The following PUM1 variants were observed in gnomAD, a reference collection of about 807,000 sequenced individuals.
PUM1 encodes pumilio homolog 1.
A neutral mutation model predicts 131.8 loss-of-function variants in PUM1; 13 were observed. The ratio of observed to expected loss-of-function variants is 0.10; its 90% CI spans 0.06 to 0.16. PUM1 has a LOEUF of 0.16. Ranked by LOEUF, PUM1 falls within the 10% of genes least tolerant of loss-of-function variation. The probability of loss-of-function intolerance (pLI) is 1.00; values close to 1 mark genes in which losing one functional copy is unlikely to be tolerated. For missense variants in PUM1, 961 were observed against 1,512.4 expected (o/e 0.64, Z 6.05); for synonymous variants, 509 against 556.5 (o/e 0.91, Z 1.20).
intron 2 of PUM1, among the ~76,000 whole-genome samples, chr1:31,037,497 T>C (rs1205329523): frequency 2.0e-5 from 3 of 152,184 alleles, no homozygotes; most frequent in African/African-American, 4.8e-5. Flanking sequence ...GGCGGGCGGA[T>C]CACTTGAGGT....
chr1:31,046,550 C>G (rs1180685631), intron 2 of PUM1, among the ~76,000 whole-genome samples: 1 of 138,988 alleles, frequency 7.2e-6, no homozygotes, highest in South Asian at 2.4e-4. Flanking sequence ...CTCTGTCACT[C>G]AGGCTGGAGT....
intron 2 of PUM1, among the ~76,000 whole-genome samples, chr1:31,042,684 T>G (rs936005848): frequency 1.3e-5 from 2 of 152,238 alleles, no homozygotes; most frequent in Non-Finnish European, 2.9e-5. Flanking sequence ...AATCTCTCCA[T>G]GCATACAAAT....
chr1:31,002,613 A>G (rs1344123649), intron 5 of PUM1, among the ~76,000 whole-genome samples: 1 of 152,094 alleles, frequency 6.6e-6, no homozygotes, highest in East Asian at 1.9e-4. Context: ...ACCCTGAACC[A>G]TGGGGGGCTG....
chr1:31,041,117 C>T (rs1477502800), intron 2 of PUM1, among the ~76,000 whole-genome samples: 1 of 152,050 alleles, frequency 6.6e-6, no homozygotes, highest in East Asian at 1.9e-4. Context: ...CCTAACATGC[C>T]ACAAATGGAT....
At chr1:31,008,972 G>C (rs1021678176) in intron 3 of PUM1, among the ~76,000 whole-genome samples, 9 of 148,198 alleles carry the variant, frequency 6.1e-5, no homozygotes, top group Non-Finnish European at 1.3e-4. Flanking sequence ...AGGAGATCAA[G>C]ACCATCCTGG....
chr1:30,980,153 G>C lies in PUM1; in HGVS notation c.1263C>G (p.Pro421=). Residue 421 remains proline (P), a synonymous_variant, in exon 9 of 22, where the codon CCC becomes CCG. Coordinates refer to ENST00000426105, the MANE Select transcript of PUM1 (RefSeq NM_001020658.2). ...AAHQPHIGLA[P]AAFVPNPYII... ...TGTATGGATTGGGGACAAACGCAGC[G>C]GGAGCTAAACCTGCTGAAAACATAC... 1 of 1,613,762 alleles carries C rather than the reference G, an allele frequency of 6.2e-7. No individual in the cohort carries two copies. Among genetic ancestry groups the C allele is most frequent in the Non-Finnish European group, 8.5e-7 (1 of 1,179,876 alleles).
At chr1:31,049,515 CAA>C (rs112696868) in intron 2 of PUM1, among the ~76,000 whole-genome samples, 7 of 121,922 alleles carry the variant, frequency 5.7e-5, no homozygotes, top group African/African-American at 6.2e-5. Flanking sequence ...GATTCCGTCT[CAA>C]AAAAAAAAAA....
At chr1:30,943,173 C>T (rs1476657231) in intron 18 of PUM1, among the ~76,000 whole-genome samples, 1 of 152,140 alleles carries the variant, frequency 6.6e-6, no homozygotes, top group East Asian at 1.9e-4. Flanking sequence ...TCTGGAGCAA[C>T]TTGATTTATT....
chr1:31,060,900 A>T (rs12065222), intron 1 of PUM1, among the ~76,000 whole-genome samples: 13,474 of 151,320 alleles, frequency 0.089, 990 homozygotes, highest in East Asian at 0.3. Flanking sequence ...AAAAAAAAAA[A>T]AATAATAAAT....
chr1:31,019,114 A>G (rs1485740178), intron 3 of PUM1, among the ~76,000 whole-genome samples: 1 of 152,152 alleles, frequency 6.6e-6, no homozygotes, highest in African/African-American at 2.4e-5. Flanking sequence ...GCTCTTTGGG[A>G]GGCTGAGGCG....
chr1:30,953,902 G>C lies in PUM1; in HGVS notation c.2403C>G (p.Ala801=), dbSNP rs1640045984. 5 of 1,614,226 alleles carry C rather than the reference G, an allele frequency of 3.1e-6. No individual in the cohort carries two copies. In the South Asian group the frequency reaches 3.3e-5, roughly 11 times the overall value. Residue 801 remains alanine, a synonymous_variant, in exon 15 of 22, where the codon GCC becomes GCG. Transcript: ENST00000426105. ...AEAKYRSASS[A]SSLFSPSSTL... is the part of the protein sequence containing the mutation. ...TGCTGCTCGGGCTGAAGAGGCTGGA[G>C]GCGCTGCTTGCACTGCGGTACTTGG... is the stretch of plus-strand genomic sequence containing the variant.
intron 5 of PUM1, among the ~76,000 whole-genome samples, chr1:30,995,784 G>C (rs1467907187): frequency 6.6e-6 from 1 of 152,164 alleles, no homozygotes; most frequent in Non-Finnish European, 1.5e-5. Context: ...TATATGCCCT[G>C]TCAATTTGCA....
intron 10 of PUM1, among the ~76,000 whole-genome samples, chr1:30,972,795 T>C (rs1263323981): frequency 7.4e-6 from 1 of 135,622 alleles, no homozygotes. Flanking sequence ...AAAAAAGAAA[T>C]TTGGCCAGGC....
intron 13 of PUM1, 78 bp from the exon 14 acceptor site, chr1:30,964,988 C>T (rs2124438255): frequency 8.0e-7 from 1 of 1,252,130 alleles, no homozygotes; most frequent in East Asian, 2.3e-5. Context: ...GTTCCTAACA[C>T]TTTGATCCAG....
At chr1:31,028,424 G>T (rs1480739861) in intron 3 of PUM1, among the ~76,000 whole-genome samples, 2 of 151,950 alleles carry the variant, frequency 1.3e-5, no homozygotes, top group Non-Finnish European at 1.5e-5. Context: ...ATTGGCGGGG[G>T]GGGTGGGTTG....
intron 3 of PUM1, among the ~76,000 whole-genome samples, chr1:31,020,700 GA>G (rs1642989121): frequency 6.6e-6 from 1 of 152,066 alleles, no homozygotes; most frequent in South Asian, 2.1e-4. Context: ...TTAAATTTTT[GA>G]TCTGAAAAAG....
At chr1:30,969,671 G>A (rs1167062383) in intron 10 of PUM1, among the ~76,000 whole-genome samples, 1 of 151,798 alleles carries the variant, frequency 6.6e-6, no homozygotes, top group African/African-American at 2.4e-5. Context: ...GGGTGGCGCG[G>A]AGTGCAGGGA....
chr1:31,021,882 A>G (rs971478272), intron 3 of PUM1, among the ~76,000 whole-genome samples: 2 of 152,114 alleles, frequency 1.3e-5, no homozygotes, highest in African/African-American at 4.8e-5. Context: ...TTTGAGTTAT[A>G]AGAGATCTGG....
intron 10 of PUM1, among the ~76,000 whole-genome samples, chr1:30,973,708 C>T (rs747820357): frequency 6.6e-6 from 1 of 151,474 alleles, no homozygotes; most frequent in Non-Finnish European, 1.5e-5. Flanking sequence ...TAACAGATAC[C>T]AAACATAATA....
Sources: gnomAD v4.1 joint callset for allele counts (sites outside exome capture counted in the v4.1 genomes callset) on GRCh38, gnomAD v4.1.1 for gene constraint, MANE v1.5 for transcripts, NCBI Gene and HGNC (gene_info 2026-07-23, HGNC 2026-07-21) for gene names.